The following NFAT5 variants were observed in gnomAD, a reference collection of about 807,000 sequenced individuals.
NFAT5 encodes nuclear factor of activated T-cells 5.
NFAT5 carries 31 observed loss-of-function variants against 166.5 expected under a neutral mutation model. The observed-to-expected ratio is 0.19, with a 90% CI of 0.14 to 0.25. The LOEUF is 0.25. NFAT5 is among the 10% of genes least tolerant of loss of function. NFAT5 has a pLI of 1.00. For synonymous variants in NFAT5, 612 were observed against 639.7 expected, an observed-to-expected ratio of 0.96 and a Z score of 0.65; for missense variants, 1,449 against 1,821.8, an observed-to-expected ratio of 0.80 and a Z score of 3.72.
intron 4 of NFAT5, among the ~76,000 whole-genome samples, 153 bp from the exon 5 acceptor site, chr16:69,653,083 C>T (rs1379506866): frequency 6.6e-6 from 1 of 151,896 alleles, no homozygotes; most frequent in Non-Finnish European, 1.5e-5. Flanking sequence ...GCTCATGTAT[C>T]TTCCTTTAGG....
intron 2 of NFAT5, among the ~76,000 whole-genome samples, chr16:69,586,575 G>A (rs1408420485): frequency 2.0e-5 from 3 of 151,926 alleles, no homozygotes; most frequent in Admixed American, 1.3e-4. Flanking sequence ...GCTAATTTTT[G>A]TAGTTTTAGT....
rs903012656 is a variant in NFAT5 at position 69,648,683 on chromosome 16, T to A, written c.812+1097T>A. On this transcript the variant is annotated intron_variant, in intron 4 of 14. Transcript: ENST00000349945. ...ATATTTAATTGCTAGACTTTTAAAT[T>A]AGATTTTTGTATAGTACATTCAAAA... The A allele has an allele frequency of 9.3e-6, 9 of 964,206 alleles. No individual in the cohort carries two copies. In the African/African-American group the frequency reaches 1.6e-4, roughly 17 times the overall value. The allele number at this position is 964,206 out of a possible 1,614,324, so 59.7% of individuals were successfully genotyped here. A position where few individuals can be genotyped will look rare whatever the true frequency, so the allele number is the denominator to read the frequency against.
chr16:69,699,144 A>G lies in NFAT5; in HGVS notation c.*2793A>G, dbSNP rs189582010. 2 of 153,000 alleles carry G rather than the reference A, an allele frequency of 1.3e-5. No individual in the cohort carries two copies. The highest frequency in any genetic ancestry group is 1.3e-4 in the Admixed American group (2 of 15,302). The allele number at this position is 153,000 out of a possible 1,614,324, so 9.5% of individuals were successfully genotyped here. On this transcript the variant is annotated 3_prime_UTR_variant, in exon 15 of 15. Transcript: ENST00000349945. ...TTTCTGAACTTTTTTCTAAGAGATT[A>G]CATAGGAGACTAAAGAAATCTATCT...
In NFAT5 at chr16:69,702,948, G is replaced by A. The variant is rs12232410; in HGVS notation, c.*6597G>A. On this transcript the variant is annotated 3_prime_UTR_variant, in exon 15 of 15. Coordinates refer to ENST00000349945, the MANE Select transcript of NFAT5 (RefSeq NM_138713.4). ...GGCATTTTCCTACCACTTACTAAAA[G>A]GTTTACATTAAATGACTGATTTAAA... The A allele has an allele frequency of 0.3, 46,061 of 152,468 alleles. 8,235 individuals carry two copies. The highest frequency in any genetic ancestry group is 0.48 in the African/African-American group (19,973 of 41,442). The allele number at this position is 152,468 out of a possible 1,614,324, so 9.4% of individuals were successfully genotyped here.
At chr16:69,574,824 A>G (rs1333909121) in intron 2 of NFAT5, among the ~76,000 whole-genome samples, 2 of 151,824 alleles carry the variant, frequency 1.3e-5, no homozygotes, top group East Asian at 3.9e-4. Context: ...ACGCACCACC[A>G]TGTCCAGCTA....
At chr16:69,663,564 T>TA (rs60161117) in intron 7 of NFAT5, among the ~76,000 whole-genome samples, 14,194 of 91,670 alleles carry the variant, frequency 0.15, 1,162 homozygotes, top group East Asian at 0.3. Flanking sequence ...CCCATCTCTT[T>TA]AAAAAAAAAA....
chr16:69,669,035 C>T (rs2036518610), intron 7 of NFAT5, among the ~76,000 whole-genome samples: 1 of 152,154 alleles, frequency 6.6e-6, no homozygotes, highest in South Asian at 2.1e-4. Context: ...CTGGGAATTG[C>T]ATGTGCATAC....
At position 69,569,715 on chromosome 16, in the gene NFAT5, T is replaced by TAAA. The variant is rs1298988911; in HGVS notation, c.127+1168_127+1169insAAA. Among the ~76,000 whole-genome samples, 6 of 152,252 alleles carry TAAA rather than the reference T, an allele frequency of 3.9e-5. No homozygotes were observed. In the East Asian group the frequency reaches 1.2e-3, roughly 29 times the overall value. ...GCATAGCGTCTAGCTTAATAAATGT[T>TAAA]AGTTTTTTCCTTTAGTATCAGCTAA... On this transcript the variant is annotated intron_variant, in intron 2 of 14. Coordinates refer to ENST00000349945, the MANE Select transcript of NFAT5 (RefSeq NM_138713.4).
intron 2 of NFAT5, among the ~76,000 whole-genome samples, chr16:69,598,478 G>A (rs2032937835): frequency 6.6e-6 from 1 of 150,756 alleles, no homozygotes; most frequent in Admixed American, 6.6e-5. Flanking sequence ...ACTCACCATT[G>A]TTAATAGGGA....
intron 6 of NFAT5, among the ~76,000 whole-genome samples, chr16:69,659,022 A>G (rs1000552375): frequency 6.6e-6 from 1 of 152,012 alleles, no homozygotes; most frequent in Non-Finnish European, 1.5e-5. Context: ...TTTAGTGGCT[A>G]TTATTCTATC....
chr16:69,638,576 A>G (rs977544802), intron 3 of NFAT5, among the ~76,000 whole-genome samples: 10 of 152,012 alleles, frequency 6.6e-5, no homozygotes, highest in Non-Finnish European at 1.2e-4. Context: ...TCTACTAAAA[A>G]ATACAAAAAA....
intron 2 of NFAT5, among the ~76,000 whole-genome samples, chr16:69,620,646 G>A (rs952994603): frequency 4.6e-5 from 7 of 152,092 alleles, no homozygotes; most frequent in Non-Finnish European, 1.0e-4. Flanking sequence ...AGTCTTGGCC[G>A]ACTGAAGAAA....
At chr16:69,580,798 G>A (rs1467455537) in intron 2 of NFAT5, among the ~76,000 whole-genome samples, 1 of 151,988 alleles carries the variant, frequency 6.6e-6, no homozygotes, top group South Asian at 2.1e-4. Context: ...TGGGACTACA[G>A]GTGCCCGCCA....
chr16:69,629,424 C>T (rs1320446139), intron 3 of NFAT5, among the ~76,000 whole-genome samples: 2 of 151,966 alleles, frequency 1.3e-5, no homozygotes, highest in Admixed American at 6.6e-5. Context: ...GGTAAAAGAG[C>T]GTCTATCAAG....
chr16:69,592,198 A>T lies in NFAT5; in HGVS notation c.127+23650A>T, dbSNP rs546148970. 3.4e-5 allele frequency among the ~76,000 whole-genome samples: 5 copies of T among 149,154 alleles called. No homozygotes were observed. The East Asian group carries it at 9.9e-4, about 30-fold the overall frequency. ...GAGTTCAAGCAATTTTCCTGCCTCA[A>T]CCTCCCAAGTAGCTGAGATTACGGG... On this transcript the variant is annotated intron_variant, in intron 2 of 14. Coordinates refer to ENST00000349945, the MANE Select transcript of NFAT5 (RefSeq NM_138713.4).
At chr16:69,636,220 A>G (rs1479196045) in intron 3 of NFAT5, among the ~76,000 whole-genome samples, 10 of 152,188 alleles carry the variant, frequency 6.6e-5, no homozygotes, top group Non-Finnish European at 1.3e-4. Context: ...CTGATGCAAG[A>G]GGTGGGTTCC....
intron 2 of NFAT5, among the ~76,000 whole-genome samples, chr16:69,580,099 C>G (rs1362758274): frequency 6.6e-6 from 1 of 151,882 alleles, no homozygotes; most frequent in Non-Finnish European, 1.5e-5. Context: ...TCAAGTGTTG[C>G]TAAATTTACA....
intron 10 of NFAT5, among the ~76,000 whole-genome samples, chr16:69,678,870 G>A (rs1460809296): frequency 6.6e-6 from 1 of 152,190 alleles, no homozygotes; most frequent in East Asian, 1.9e-4. Context: ...CAGTAGCTAG[G>A]ACAGAATAAC....
At chr16:69,615,330 C>A (rs568106464) in intron 2 of NFAT5, among the ~76,000 whole-genome samples, 2 of 152,260 alleles carry the variant, frequency 1.3e-5, no homozygotes, top group South Asian at 4.1e-4. Flanking sequence ...CATGAGCCAC[C>A]GCACCCAACC....
Sources: allele counts gnomAD v4.1 joint callset (sites outside exome capture counted in the v4.1 genomes callset), GRCh38; gene constraint gnomAD v4.1.1; transcripts MANE v1.5; gene names NCBI Gene and HGNC (gene_info 2026-07-23, HGNC 2026-07-21).